The following BAZ1A variants were observed in gnomAD, a reference collection of about 807,000 sequenced individuals.
BAZ1A encodes the protein bromodomain adjacent to zinc finger domain 1A.
Under a neutral mutation model 185.2 loss-of-function variants are expected in BAZ1A, and 50 were observed. The observed-to-expected ratio is 0.27, with a 90% CI of 0.22 to 0.34. BAZ1A has a LOEUF of 0.34. BAZ1A is among the 10% of genes least tolerant of loss of function. BAZ1A has a pLI of 1.00. For synonymous variants in BAZ1A, 571 were observed against 615.6 expected (o/e 0.93, Z 1.07); for missense variants, 1,356 against 1,839.9 (o/e 0.74, Z 4.81).
At position 34,776,406 on chromosome 14, in the gene BAZ1A, G is replaced by C; in HGVS notation, c.2346C>G (p.His782Gln). 6.2e-7 allele frequency: 1 copy of C among 1,614,018 alleles called. No homozygotes were observed. The highest frequency in any genetic ancestry group is 8.5e-7 in the Non-Finnish European group (1 of 1,180,032). The change falls in exon 18 of 27, where the codon CAC (histidine) becomes CAG (glutamine). Residue 782 changes from histidine (H) to glutamine (Q), a missense_variant. By Grantham distance (24) the His-to-Gln change is conservative. This residue lies in a region of BAZ1A where 434 missense variants were observed against 561.7 expected (regional missense o/e 0.77). Coordinates refer to ENST00000360310, the MANE Select transcript of BAZ1A (RefSeq NM_013448.3). ...CTAAGAGCTCTTTCTCTTTTCGTTG[G>C]TGTTCCTGTTTTAATGCTTCTTCCT... ...ADEEEALKQEHQRKEKELLEK... is the reference protein window; with the variant it reads ...ADEEEALKQEQQRKEKELLEK...
chr14:34,854,421 C>T (rs1457729956), intron 3 of BAZ1A, among the ~76,000 whole-genome samples: 2 of 151,490 alleles, frequency 1.3e-5, no homozygotes, highest in Non-Finnish European at 2.9e-5. Flanking sequence ...GACTCCATCT[C>T]GAAATAAAAT....
intron 3 of BAZ1A, among the ~76,000 whole-genome samples, chr14:34,832,173 T>C (rs566856952): frequency 4.5e-4 from 43 of 95,122 alleles, no homozygotes; most frequent in South Asian, 1.4e-3. Flanking sequence ...TATGTGTGTA[T>C]ATATACATAT....
In BAZ1A at chr14:34,818,863, C is replaced by T. The variant is rs1473310973; in HGVS notation, c.536+7150G>A. ...TCTATGATAAGAATGAATCTTCGGC[C>T]GGGCGCAGTGGCTCAAGCCTGTAAT... is the stretch of plus-strand genomic sequence containing the variant. On this transcript the variant is annotated intron_variant, in intron 4 of 26. Coordinates refer to ENST00000360310, the MANE Select transcript of BAZ1A (RefSeq NM_013448.3). Among the ~76,000 whole-genome samples, 10 of 152,056 alleles carry T rather than the reference C, an allele frequency of 6.6e-5. No homozygotes were observed. The South Asian group carries it at 1.9e-3, about 28-fold the overall frequency.
rs1260945432 is a variant in BAZ1A, at chr14:34,774,425, A to G, written c.2899T>C (p.Ser967Pro). ...AGTTGCTTTTCTGCACACATCTGAGATGGATCATATGCATTGGAAGATCTT... is the reference window on the plus strand; with the variant it reads ...AGTTGCTTTTCTGCACACATCTGAGGTGGATCATATGCATTGGAAGATCTT... ...RGRSSNAYDP[S>P]QMCAEKQLEL... The change falls in exon 19 of 27, where the codon TCT becomes CCT. Residue 967 changes from serine to proline, a missense_variant. Transcript: ENST00000360310. The G allele has an allele frequency of 1.9e-6, 3 of 1,613,348 alleles. No homozygotes were observed. The highest frequency in any genetic ancestry group is 3.3e-5 in the Admixed American group (2 of 59,884).
chr14:34,819,551 T>C (rs2042056008), intron 4 of BAZ1A, among the ~76,000 whole-genome samples: 1 of 152,252 alleles, frequency 6.6e-6, no homozygotes. Flanking sequence ...TGCATTTAAA[T>C]TTCTTTTAGT....
intron 7 of BAZ1A, 117 bp downstream of exon 7, chr14:34,802,737 G>A (rs1178777004): frequency 9.4e-7 from 1 of 1,065,918 alleles, no homozygotes; most frequent in South Asian, 1.6e-5. Context: ...ACTTTTTGGT[G>A]AGGTAATGAG....
At chr14:34,873,599 G>A (rs998671508) in intron 2 of BAZ1A, among the ~76,000 whole-genome samples, 1 of 149,140 alleles carries the variant, frequency 6.7e-6, no homozygotes, top group Non-Finnish European at 1.5e-5. Context: ...GCTGAGTCTG[G>A]AGTTGAACTT....
intron 25 of BAZ1A, among the ~76,000 whole-genome samples, chr14:34,756,376 A>G (rs1462778520): frequency 6.7e-6 from 1 of 150,328 alleles, no homozygotes; most frequent in Non-Finnish European, 1.5e-5. Context: ...CGGCCTCCCA[A>G]AGTGCTGGGA....
At position 34,780,232 on chromosome 14, in the gene BAZ1A, G is replaced by A; in HGVS notation, c.2190C>T (p.Val730=). The change falls in exon 17 of 27, where the codon GTC becomes GTT. Residue 730 remains valine (V), a synonymous_variant. Coordinates refer to ENST00000360310, the MANE Select transcript of BAZ1A (RefSeq NM_013448.3). The stretch of plus-strand genomic sequence containing the variant: ...ATCCTGGGTCATCTTCATCTTCAGT[G>A]ACCATATCTTGATCTAATTCCTTTT... ...TEQKELDQDM[V]TEDEDDPGSH... is the part of the protein sequence containing the mutation. The A allele has an allele frequency of 6.2e-7, 1 of 1,613,582 alleles. No individual in the cohort carries two copies. Among genetic ancestry groups the A allele is most frequent in the African/African-American group, 1.3e-5 (1 of 75,020 alleles).
At chr14:34,795,525 G>C in intron 10 of BAZ1A, 145 bp downstream of exon 10, 1 of 515,778 alleles carries the variant, frequency 1.9e-6, no homozygotes, top group South Asian at 3.6e-5. Flanking sequence ...GGAATTCTAA[G>C]TGTGAACATT....
At chr14:34,785,273 C>A (rs1312718180) in intron 14 of BAZ1A, among the ~76,000 whole-genome samples, 1 of 152,108 alleles carries the variant, frequency 6.6e-6, no homozygotes, top group African/African-American at 2.4e-5. Context: ...CACAAAAAAA[C>A]CACCATAAAT....
rs1055554655 is a variant in BAZ1A, at chr14:34,803,640, A to C, written c.727-652T>G. ...AAATTTTGTGAGATTTTCTACATAAATGAATCAATCTATGTAAATGAATAA... is the reference window on the plus strand; with the variant it reads ...AAATTTTGTGAGATTTTCTACATAACTGAATCAATCTATGTAAATGAATAA... On this transcript the variant is annotated intron_variant, in intron 6 of 26. Transcript: ENST00000360310. Among the ~76,000 whole-genome samples the C allele has an allele frequency of 4.9e-3, 9 of 1,820 alleles. No individual in the cohort carries two copies. In the African/African-American group the frequency reaches 0.051, roughly 10 times the overall value. The allele number at this position is 1,820 out of a possible 152,430, so 1.2% of individuals were successfully genotyped here.
intron 3 of BAZ1A, among the ~76,000 whole-genome samples, chr14:34,841,668 T>G (rs1208861623): frequency 6.6e-6 from 1 of 152,246 alleles, no homozygotes; most frequent in Non-Finnish European, 1.5e-5. Context: ...TTACAGGTGG[T>G]GAGCCACCGC....
At chr14:34,832,228 A>ATATATATATG (rs1437244262) in intron 3 of BAZ1A, among the ~76,000 whole-genome samples, 196 of 143,440 alleles carry the variant, frequency 1.4e-3, no homozygotes, top group Admixed American at 2.3e-3. Flanking sequence ...ATATATATAT[A>ATATATATATG]TATGTATGTA....
At chr14:34,776,658 GC>G in intron 17 of BAZ1A, 143 bp from the exon 18 acceptor site, 1 of 660,472 alleles carries the variant, frequency 1.5e-6, no homozygotes, top group Non-Finnish European at 2.5e-6. Context: ...ATATGTTGAA[GC>G]CCTAACCTCC....
At chr14:34,770,886 C>T (rs761101822) in intron 21 of BAZ1A, among the ~76,000 whole-genome samples, 4 of 151,880 alleles carry the variant, frequency 2.6e-5, no homozygotes, top group African/African-American at 4.8e-5. Context: ...AACTATGCCC[C>T]AAATGGTAAA....
chr14:34,800,455 A>T, intron 8 of BAZ1A, 65 bp from the exon 9 acceptor site: 1 of 1,232,010 alleles, frequency 8.1e-7, no homozygotes, highest in African/African-American at 1.6e-5. Flanking sequence ...AATTTTTTTG[A>T]TGTAACAACA....
intron 3 of BAZ1A, among the ~76,000 whole-genome samples, chr14:34,831,364 A>C (rs1234667990): frequency 6.6e-6 from 1 of 152,238 alleles, no homozygotes; most frequent in Non-Finnish European, 1.5e-5. Flanking sequence ...GGTAAAAATC[A>C]GTCCTTGTCT....
Position 34,853,212 on chromosome 14 carries a change from G to GTA in BAZ1A, c.392+8830_392+8831dup, listed in dbSNP as rs1399742847. On this transcript the variant is annotated intron_variant, in intron 3 of 26. Transcript: ENST00000360310. ...GTGTTCCTGTCACAAGACTTCTCCT[G>GTA]TAGGCTCTAAGGAAGTAGCAGAGAA... Among the ~76,000 whole-genome samples the GTA allele has an allele frequency of 2.0e-5, 3 of 152,294 alleles. No individual in the cohort carries two copies. In the East Asian group the frequency reaches 5.8e-4, roughly 29 times the overall value.
Sources: gnomAD v4.1 joint callset for allele counts (sites outside exome capture counted in the v4.1 genomes callset) on GRCh38, gnomAD v4.1.1 for gene constraint, gnomAD v4.1.1 regional missense constraint, MANE v1.5 for transcripts, NCBI Gene and HGNC (gene_info 2026-07-23, HGNC 2026-07-21) for gene names.